CFAP65: variants seen among roughly 807,000 people sequenced by gnomAD.
CFAP65 encodes the protein cilia and flagella associated protein 65.
CFAP65 carries 155 observed loss-of-function variants against 208.0 expected under a neutral mutation model. That is an observed-to-expected ratio of 0.75 (90% CI 0.65 to 0.85). The LOEUF (loss-of-function observed/expected upper bound fraction) is 0.85, where lower values mean the gene tolerates loss of function less well. CFAP65 is among the 40% of genes least tolerant of loss of function. CFAP65 has a pLI of 0.00. For synonymous variants in CFAP65, 970 were observed against 986.3 expected (o/e 0.98, Z 0.31); for missense variants, 2,294 against 2,451.3 (o/e 0.94, Z 1.36).
At chr2:219,007,800 G>A (rs77326380) in intron 29 of CFAP65, among the ~76,000 whole-genome samples, 14,560 of 151,458 alleles carry the variant, frequency 0.096, 2,275 homozygotes, top group African/African-American at 0.33. Flanking sequence ...ACATTAAAAA[G>A]TATTTTTAGA....
chr2:219,005,191 A>G (rs1468251615), intron 32 of CFAP65, among the ~76,000 whole-genome samples: 1 of 151,810 alleles, frequency 6.6e-6, no homozygotes, highest in Admixed American at 6.6e-5. Flanking sequence ...ATGTCCAGCT[A>G]ATTTTTGTAT....
chr2:219,009,362 T>C lies in CFAP65; in HGVS notation c.4551A>G (p.Ala1517=). The C allele has an allele frequency of 6.2e-7, 1 of 1,612,170 alleles. No homozygotes were observed. The change falls in exon 28 of 35, where the codon GCA becomes GCG. Residue 1517 remains alanine, a synonymous_variant. Coordinates refer to ENST00000341552, the MANE Select transcript of CFAP65 (RefSeq NM_194302.4). The stretch of plus-strand genomic sequence containing the variant: ...TGGTTCCTACCTTGCATACCAGGTC[T>C]GCACTGTAGAAGCTGGCATGCACAG... ...RASVHASFYS[A]DLVCKLYSQQ...
At chr2:219,009,761 T>G (rs1574533133) in intron 27 of CFAP65, among the ~76,000 whole-genome samples, 181 bp downstream of exon 27, 5 of 36,790 alleles carry the variant, frequency 1.4e-4, no homozygotes, top group Admixed American at 3.3e-4. Flanking sequence ...TGGAGTGGGG[T>G]GGGATGGGAT....
chr2:219,007,210 G>C (rs568359926), intron 29 of CFAP65, among the ~76,000 whole-genome samples: 1 of 144,434 alleles, frequency 6.9e-6, no homozygotes, highest in South Asian at 2.2e-4. Flanking sequence ...GTCTCACTCT[G>C]TCACCCAGGT....
intron 2 of CFAP65, 37 bp from the exon 3 acceptor site, chr2:219,039,087 T>G: frequency 6.5e-7 from 1 of 1,548,198 alleles, no homozygotes; most frequent in Non-Finnish European, 8.8e-7. Flanking sequence ...TCAATCCATC[T>G]CCAGAGCAGA....
intron 17 of CFAP65, 99 bp downstream of exon 17, chr2:219,022,072 T>C: frequency 6.6e-7 from 1 of 1,512,276 alleles, no homozygotes; most frequent in Non-Finnish European, 8.9e-7. Flanking sequence ...CTCTGCCCTC[T>C]TGGCCTTCCC....
rs1282300011 is a variant in CFAP65 at position 219,028,242 on chromosome 2, GCTT to G, written c.1807_1809del (p.Lys603del). ...AGAGCCCCGTTCTGGTCCTGTGCCA[GCTT>G]CTTCTCCTTCAGCATGGCATCCAGG... On this transcript the variant is annotated inframe_deletion, in exon 12 of 35. Transcript: ENST00000341552. 1.9e-6 allele frequency: 3 copies of G among 1,614,112 alleles called. No homozygotes were observed. The highest frequency in any genetic ancestry group is 1.7e-5 in the Admixed American group (1 of 60,018).
rs61214924 is a variant in CFAP65 at position 219,004,935 on chromosome 2, TTTTCTTTC to T, written c.5052-488_5052-481del. Reference sequence around the variant, plus strand: ...TCTTTCTCTCTCTTTCTCTCCTCTTTTTTCTTTCTTTCTTTCTTTCTTTCTCTCTCTTT... The same window carrying T: ...TCTTTCTCTCTCTTTCTCTCCTCTTTTTTCTTTCTTTCTTTCTCTCTCTTT... On this transcript the variant is annotated intron_variant, in intron 32 of 34. Transcript: ENST00000341552. This position sits in a 1 kb window ranked among gnomAD's most constrained non-coding sequence, Gnocchi z 4.7. Among the ~76,000 whole-genome samples the T allele has an allele frequency of 3.6e-4, 53 of 149,142 alleles. No homozygotes were observed. The highest frequency in any genetic ancestry group is 1.5e-4 in the African/African-American group (6 of 39,150).
In CFAP65 at chr2:219,003,338, C is replaced by G. The variant is rs1039574392; in HGVS notation, c.5556-66G>C. On this transcript the variant is annotated intron_variant, in intron 33 of 34. Coordinates refer to ENST00000341552, the MANE Select transcript of CFAP65 (RefSeq NM_194302.4). This position sits in a 1 kb window ranked among gnomAD's most constrained non-coding sequence, Gnocchi z 4.4. ...CCCGCGCGCCTCCTCGCTCGCCTGT[C>G]CGTGCGGTACATTGTGCCGCGAGCT... 3.4e-6 allele frequency: 5 copies of G among 1,463,314 alleles called. No homozygotes were observed. Among genetic ancestry groups the G allele is most frequent in the Non-Finnish European group, 4.5e-6 (5 of 1,107,100 alleles). 90.6% of individuals were successfully genotyped at this position (1,463,314 alleles called of 1,614,324 possible).
chr2:219,013,831 G>T, intron 22 of CFAP65, 37 bp downstream of exon 22: 3 of 1,543,598 alleles, frequency 1.9e-6, no homozygotes, highest in South Asian at 2.5e-5. Flanking sequence ...GGGCCTCTAT[G>T]ACTGGAAGTG....
chr2:219,009,818 G>T, intron 27 of CFAP65, 124 bp downstream of exon 27: 1 of 677,402 alleles, frequency 1.5e-6, no homozygotes, highest in Non-Finnish European at 2.2e-6. Context: ...GAGTGGGGGG[G>T]GATGGGATGG....
chr2:219,010,958 T>A lies in CFAP65; in HGVS notation c.3996A>T (p.Thr1332=). 1 of 1,613,626 alleles carries A rather than the reference T, an allele frequency of 6.2e-7. No individual in the cohort carries two copies. The highest frequency in any genetic ancestry group is 8.5e-7 in the Non-Finnish European group (1 of 1,179,816). Residue 1332 remains threonine (T), a synonymous_variant, in exon 25 of 35, where the codon ACA becomes ACT. Coordinates refer to ENST00000341552, the MANE Select transcript of CFAP65 (RefSeq NM_194302.4). ...ELYNGGSVPV[T]YEVQTDVLSQ... is the part of the protein sequence containing the mutation. ...ACAGGACATCGGTCTGGACCTCATA[T>A]GTCACGGGCACTGAGCCACCATTAT...
At chr2:219,038,275 G>C (rs891435579) in intron 4 of CFAP65, 100 bp downstream of exon 4, 8 of 1,071,210 alleles carry the variant, frequency 7.5e-6, no homozygotes, top group Non-Finnish European at 1.1e-5. Context: ...GCAGAGGGAA[G>C]AGTCAGGGCC....
Position 219,021,764 on chromosome 2 carries a change from G to A in CFAP65, c.3130+16C>T. The A allele has an allele frequency of 4.3e-6, 7 of 1,612,814 alleles. No individual in the cohort carries two copies. Among genetic ancestry groups the A allele is most frequent in the Non-Finnish European group, 5.9e-6 (7 of 1,179,670 alleles). ...CCCACCTCCCCTGGCCCCAGTCCCA[G>A]CTCAGGCCCAAGTACCGAGGGGGTG... is the stretch of plus-strand genomic sequence containing the variant. On this transcript the variant is annotated intron_variant, in intron 18 of 34. Coordinates refer to ENST00000341552, the MANE Select transcript of CFAP65 (RefSeq NM_194302.4).
chr2:219,027,460 C>T, intron 13 of CFAP65, 190 bp downstream of exon 13: 2 of 1,541,008 alleles, frequency 1.3e-6, no homozygotes, highest in Non-Finnish European at 1.8e-6. Context: ...ATGAGAAAAT[C>T]AGATGGGCCG....
At chr2:219,011,271 T>C (rs1946459631) in intron 24 of CFAP65, among the ~76,000 whole-genome samples, 1 of 108,284 alleles carries the variant, frequency 9.2e-6, no homozygotes, top group Non-Finnish European at 1.8e-5. Context: ...TTTTTCTTTC[T>C]TTTTTTTTTT....
chr2:219,030,808 T>C lies in CFAP65; in HGVS notation c.1042A>G (p.Ile348Val), dbSNP rs1947964965. 6.2e-7 allele frequency: 1 copy of C among 1,614,052 alleles called. No individual in the cohort carries two copies. The highest frequency in any genetic ancestry group is 8.5e-7 in the Non-Finnish European group (1 of 1,180,018). ...VAKCAQLLVSIKHKCPEDQDA... is the reference protein window; with the variant it reads ...VAKCAQLLVSVKHKCPEDQDA... Reference sequence around the variant, plus strand: ...TGGTCCTCCGGGCACTTGTGCTTTATGCTCACCAGCAGCTGGGCGCACTTG... The same window carrying C: ...TGGTCCTCCGGGCACTTGTGCTTTACGCTCACCAGCAGCTGGGCGCACTTG... Residue 348 changes from isoleucine (I) to valine (V), a missense_variant, in exon 9 of 35, where the codon ATA (isoleucine) becomes GTA (valine). Ile to Val is a conservative substitution (Grantham distance 29). Transcript: ENST00000341552.
rs59038516 is a variant in CFAP65, at chr2:219,009,566, C to T, written c.4453-106G>A. On this transcript the variant is annotated intron_variant, in intron 27 of 34. Coordinates refer to ENST00000341552, the MANE Select transcript of CFAP65 (RefSeq NM_194302.4). ...TGGGACAGGATAAGATGAGATGAGA[C>T]AAGATGGGATGGGATAGGATGGGAC... 15,993 of 736,864 alleles carry T rather than the reference C, an allele frequency of 0.022. 1,759 individuals carry two copies. The African/African-American group carries it at 0.24, about 11-fold the overall frequency. The allele number at this position is 736,864 out of a possible 1,614,324, so 45.6% of individuals were successfully genotyped here. A position where few individuals can be genotyped will look rare whatever the true frequency, so the allele number is the denominator to read the frequency against.
intron 18 of CFAP65, 133 bp from the exon 19 acceptor site, chr2:219,021,413 C>T: frequency 8.9e-7 from 1 of 1,121,672 alleles, no homozygotes; most frequent in Non-Finnish European, 1.2e-6. Context: ...GGAGTGGAGC[C>T]CCTCCTCCCA....
Sources: gnomAD v4.1 joint callset for allele counts (sites outside exome capture counted in the v4.1 genomes callset) on GRCh38, gnomAD v4.1.1 for gene constraint, Gnocchi (gnomAD v3.1) non-coding constraint, MANE v1.5 for transcripts, NCBI Gene and HGNC (gene_info 2026-07-23, HGNC 2026-07-21) for gene names.